The following ANK2 variants were observed in gnomAD, a reference collection of about 807,000 sequenced individuals.
ANK2 encodes the protein ankyrin 2.
A neutral mutation model predicts 360.5 loss-of-function variants in ANK2; 83 were observed. The observed-to-expected ratio is 0.23, with a 90% CI of 0.19 to 0.28. The LOEUF (loss-of-function observed/expected upper bound fraction) is 0.28, where lower values mean the gene tolerates loss of function less well. Ranked by LOEUF, ANK2 falls within the 10% of genes least tolerant of loss-of-function variation. ANK2 has a pLI of 1.00. For synonymous variants in ANK2, 1,740 were observed against 1,759.5 expected, an observed-to-expected ratio of 0.99 and a Z score of 0.28; for missense variants, 4,201 against 4,795.7, an observed-to-expected ratio of 0.88 and a Z score of 3.66.
intron 1 of ANK2, among the ~76,000 whole-genome samples, chr4:113,114,073 A>G (rs1233398227): frequency 9.2e-5 from 14 of 152,136 alleles, no homozygotes; most frequent in Admixed American, 9.2e-4. Context: ...ACACACTACG[A>G]ATGGACTTGT....
rs372103163 is a variant in ANK2, at chr4:113,196,452, G to A, written c.271G>A (p.Asp91Asn). ...GCTGCTGGGAAGAGGGTCCTCTGTGGATTCTGCCACTAAGGTAACATTTAT... is the reference window on the plus strand; with the variant it reads ...GCTGCTGGGAAGAGGGTCCTCTGTGAATTCTGCCACTAAGGTAACATTTAT... The part of the protein sequence containing the change: ...QELLGRGSSV[D>N]SATKKGNTAL... The change falls in exon 3 of 46, where the codon GAT (aspartate) becomes AAT (asparagine). Residue 91 changes from aspartate (D) to asparagine (N), a missense_variant. Coordinates refer to ENST00000357077, the MANE Select transcript of ANK2 (RefSeq NM_001148.6). The A allele has an allele frequency of 2.5e-6, 4 of 1,613,148 alleles. No individual in the cohort carries two copies. The highest frequency in any genetic ancestry group is 3.4e-6 in the Non-Finnish European group (4 of 1,179,828).
intron 1 of ANK2, among the ~76,000 whole-genome samples, chr4:113,164,350 A>G (rs1170635508): frequency 3.3e-5 from 5 of 152,258 alleles, no homozygotes; most frequent in African/African-American, 1.2e-4. Context: ...GAGAAAATGT[A>G]CCATGATAGA....
intron 31 of ANK2, among the ~76,000 whole-genome samples, chr4:113,338,577 T>G (rs2093860150): frequency 8.1e-6 from 1 of 124,000 alleles, no homozygotes; most frequent in Non-Finnish European, 1.6e-5. Flanking sequence ...TGAGACGGAG[T>G]CTTGCTCTGT....
chr4:112,924,071 C>G (rs1029434046), intron 2 of ANK2, among the ~76,000 whole-genome samples: 5 of 152,112 alleles, frequency 3.3e-5, no homozygotes, highest in Admixed American at 2.6e-4. Context: ...CTTGAAACAT[C>G]TCTAAAAGAT....
intron 1 of ANK2, among the ~76,000 whole-genome samples, chr4:112,830,262 A>G (rs551711577): frequency 1.3e-5 from 2 of 152,380 alleles, no homozygotes; most frequent in South Asian, 2.1e-4. Flanking sequence ...AAGCCCATCA[A>G]CAGTGGACTG....
chr4:113,073,495 A>G (rs934509574), intron 1 of ANK2, among the ~76,000 whole-genome samples: 4 of 152,164 alleles, frequency 2.6e-5, no homozygotes, highest in African/African-American at 9.7e-5. Flanking sequence ...TGGAACTAGG[A>G]TGCCAGCCTG....
At chr4:112,971,947 G>A (rs2039696816) in intron 2 of ANK2, among the ~76,000 whole-genome samples, 2 of 152,176 alleles carry the variant, frequency 1.3e-5, no homozygotes, top group African/African-American at 4.8e-5. Flanking sequence ...ACTTTAAGAT[G>A]CACCTACTTG....
the ANK2 span, among the ~76,000 whole-genome samples, chr4:112,721,398 G>A: frequency 6.6e-6 from 1 of 152,026 alleles, no homozygotes; most frequent in East Asian, 1.9e-4. Context: ...AAAAATTAGT[G>A]AGATGTGGTG....
intron 1 of ANK2, among the ~76,000 whole-genome samples, chr4:113,067,198 C>T (rs2075944650): frequency 6.6e-6 from 1 of 151,990 alleles, no homozygotes; most frequent in Non-Finnish European, 1.5e-5. Flanking sequence ...AGATTTTACC[C>T]AGGGAGCTGT....
chr4:113,064,617 C>T (rs1374671043), intron 1 of ANK2, among the ~76,000 whole-genome samples: 5 of 152,194 alleles, frequency 3.3e-5, no homozygotes, highest in Admixed American at 1.3e-4. Flanking sequence ...ACCCTTACGT[C>T]AAGAAAGTCC....
At chr4:113,020,199 T>C (rs2057690336) in intron 2 of ANK2, among the ~76,000 whole-genome samples, 1 of 152,200 alleles carries the variant, frequency 6.6e-6, no homozygotes, top group Admixed American at 6.5e-5. Context: ...CATTTCTTTT[T>C]TTGGTATGGG....
intron 1 of ANK2, among the ~76,000 whole-genome samples, chr4:113,058,960 C>T (rs148645036): frequency 1.6e-3 from 247 of 152,282 alleles, no homozygotes; most frequent in African/African-American, 5.7e-3. Context: ...ATCAAGCCAT[C>T]AGCTGATTTG....
intron 1 of ANK2, chr4:112,826,594 T>G: frequency 7.0e-7 from 1 of 1,425,962 alleles, no homozygotes; most frequent in South Asian, 1.4e-5. Flanking sequence ...CCACAGGCAG[T>G]TAAAGTCAAG....
At chr4:113,295,685 A>G (rs930487531) in intron 22 of ANK2, among the ~76,000 whole-genome samples, 3 of 152,218 alleles carry the variant, frequency 2.0e-5, no homozygotes, top group African/African-American at 7.2e-5. Context: ...GCCAATAAAA[A>G]TAGAAAACAT....
intron 1 of ANK2, among the ~76,000 whole-genome samples, chr4:113,146,675 ATT>A (rs34395279): frequency 5.5e-5 from 8 of 146,418 alleles, no homozygotes; most frequent in East Asian, 2.0e-4. Flanking sequence ...GCTTATTGTG[ATT>A]TTTTTTTTTT....
chr4:113,373,475 C>A (rs2154075395), intron 45 of ANK2, 26 bp downstream of exon 45: 4 of 1,611,942 alleles, frequency 2.5e-6, no homozygotes, highest in Non-Finnish European at 3.4e-6. Context: ...TCTCTAAAAC[C>A]CATTTGATGG....
intron 2 of ANK2, among the ~76,000 whole-genome samples, chr4:113,005,021 A>G (rs1366198671): frequency 1.3e-5 from 2 of 152,252 alleles, no homozygotes; most frequent in Non-Finnish European, 2.9e-5. Flanking sequence ...ACAATAAGCC[A>G]TAAGAAAGAA....
chr4:112,853,895 G>A (rs1042750347), intron 1 of ANK2, among the ~76,000 whole-genome samples: 1 of 152,156 alleles, frequency 6.6e-6, no homozygotes, highest in Non-Finnish European at 1.5e-5. Context: ...ACATACATAA[G>A]TGTCATTCAT....
chr4:112,715,444 T>C, the ANK2 span, among the ~76,000 whole-genome samples: 1 of 152,180 alleles, frequency 6.6e-6, no homozygotes, highest in East Asian at 1.9e-4. Context: ...TTTGAAAATA[T>C]GATCTACCAC....
Sources: gnomAD v4.1 joint callset for allele counts (sites outside exome capture counted in the v4.1 genomes callset) on GRCh38, gnomAD v4.1.1 for gene constraint, MANE v1.5 for transcripts, NCBI Gene and HGNC (gene_info 2026-07-23, HGNC 2026-07-21) for gene names.